GULP1: variants seen among roughly 807,000 people sequenced by gnomAD.
The protein encoded by GULP1 is GULP PTB domain containing engulfment adaptor 1.
In GULP1, 19 loss-of-function variants were observed where a neutral mutation model predicts 40.9. The observed-to-expected ratio is 0.46, with a 90% confidence interval of 0.32 to 0.68. GULP1 has a LOEUF of 0.68. GULP1 is among the 30% of genes least tolerant of loss of function. The probability of loss-of-function intolerance (pLI) is 0.03; values close to 1 mark genes in which losing one functional copy is unlikely to be tolerated. For synonymous variants in GULP1, 119 were observed against 117.6 expected, an observed-to-expected ratio of 1.01 and a Z score of -0.08; for missense variants, 312 against 362.2, an observed-to-expected ratio of 0.86 and a Z score of 1.12.
At chr2:188,295,441 C>G (rs1313698518) in intron 1 of GULP1, among the ~76,000 whole-genome samples, 1 of 152,142 alleles carries the variant, frequency 6.6e-6, no homozygotes, top group Non-Finnish European at 1.5e-5. Context: ...TCCAACATAT[C>G]ATTTATTGCC....
At chr2:188,454,781 T>TAA (rs1400721975) in intron 2 of GULP1, among the ~76,000 whole-genome samples, 1 of 152,230 alleles carries the variant, frequency 6.6e-6, no homozygotes, top group Non-Finnish European at 1.5e-5. Context: ...ATAGGGACAC[T>TAA]AAAGTGTATC....
chr2:188,357,101 C>T (rs1169815553), intron 1 of GULP1, among the ~76,000 whole-genome samples: 12 of 152,024 alleles, frequency 7.9e-5, no homozygotes, highest in African/African-American at 2.4e-5. Context: ...AAGTATAAAA[C>T]TACTAGAAGG....
At chr2:188,388,060 G>C (rs1419329080) in intron 2 of GULP1, among the ~76,000 whole-genome samples, 4 of 146,390 alleles carry the variant, frequency 2.7e-5, no homozygotes, top group Non-Finnish European at 6.0e-5. Context: ...TCCCCAGAGT[G>C]TGATGTTCCC....
intron 2 of GULP1, among the ~76,000 whole-genome samples, chr2:188,389,998 A>G (rs1195549875): frequency 6.9e-6 from 1 of 144,312 alleles, no homozygotes; most frequent in Non-Finnish European, 1.6e-5. Flanking sequence ...CATGGTGTAC[A>G]TATAGCACGT....
rs1702292852 is a variant in GULP1 at position 188,586,019 on chromosome 2, T to G, written c.748+1616T>G. On this transcript the variant is annotated intron_variant, in intron 10 of 11. Transcript: ENST00000409830. ...CTGTATGCTTTTAGAAAAAGCCAGGTCACATCTTGAATGCTTTGCTGCTTA... is the reference window on the plus strand; with the variant it reads ...CTGTATGCTTTTAGAAAAAGCCAGGGCACATCTTGAATGCTTTGCTGCTTA... 3.9e-5 allele frequency among the ~76,000 whole-genome samples: 6 copies of G among 152,304 alleles called. No individual in the cohort carries two copies. The South Asian group carries it at 1.2e-3, about 32-fold the overall frequency.
At chr2:188,497,664 G>A (rs970865444) in intron 4 of GULP1, among the ~76,000 whole-genome samples, 2 of 151,892 alleles carry the variant, frequency 1.3e-5, no homozygotes, top group African/African-American at 4.8e-5. Flanking sequence ...CATATACTAG[G>A]TGCAGACTCC....
At chr2:188,305,348 T>C (rs2036869694) in intron 1 of GULP1, among the ~76,000 whole-genome samples, 1 of 152,164 alleles carries the variant, frequency 6.6e-6, no homozygotes, top group South Asian at 2.1e-4. Flanking sequence ...AAGGCTTCAT[T>C]ATATAGGCAT....
At chr2:188,582,195 CTA>C (rs1342031390) in intron 9 of GULP1, 3 of 356,702 alleles carry the variant, frequency 8.4e-6, no homozygotes, top group African/African-American at 6.4e-5. Context: ...AACTCTAACT[CTA>C]TGTTTTAATT....
chr2:188,351,399 C>G (rs926132253), intron 1 of GULP1, among the ~76,000 whole-genome samples: 1 of 152,046 alleles, frequency 6.6e-6, no homozygotes, highest in African/African-American at 2.4e-5. Flanking sequence ...TGACTTCAAA[C>G]CCTGTGTTTA....
chr2:188,549,037 T>C (rs188221502), intron 7 of GULP1, among the ~76,000 whole-genome samples: 170 of 151,980 alleles, frequency 1.1e-3, no homozygotes, highest in African/African-American at 4.0e-3. Flanking sequence ...CTTCAGGATG[T>C]AGGGCTAGGA....
chr2:188,412,756 T>C (rs767119272), intron 2 of GULP1, among the ~76,000 whole-genome samples: 3 of 152,206 alleles, frequency 2.0e-5, no homozygotes, highest in Non-Finnish European at 4.4e-5. Context: ...CACCAATGAA[T>C]TAAGCTATTT....
At chr2:188,534,131 T>C (rs1372195271) in intron 6 of GULP1, among the ~76,000 whole-genome samples, 1 of 152,190 alleles carries the variant, frequency 6.6e-6, no homozygotes, top group Non-Finnish European at 1.5e-5. Context: ...TGGTTGTATA[T>C]ACTTGGTATA....
intron 1 of GULP1, among the ~76,000 whole-genome samples, chr2:188,343,558 T>G (rs1466923839): frequency 6.6e-6 from 1 of 152,196 alleles, no homozygotes; most frequent in Non-Finnish European, 1.5e-5. Context: ...ACTTAAACTA[T>G]TTTATTTTAA....
intron 1 of GULP1, among the ~76,000 whole-genome samples, chr2:188,349,032 A>C (rs1185980211): frequency 2.6e-5 from 4 of 152,244 alleles, no homozygotes; most frequent in Non-Finnish European, 4.4e-5. Flanking sequence ...TTTCATCTTA[A>C]AACACAGATT....
chr2:188,571,467 G>A (rs915925177), intron 9 of GULP1, among the ~76,000 whole-genome samples: 3 of 152,148 alleles, frequency 2.0e-5, no homozygotes, highest in African/African-American at 7.2e-5. Flanking sequence ...CTTGGCAGAT[G>A]GTTTGTGCCA....
intron 1 of GULP1, among the ~76,000 whole-genome samples, chr2:188,322,917 AG>A (rs1357999482): frequency 6.6e-6 from 1 of 152,026 alleles, no homozygotes; most frequent in Non-Finnish European, 1.5e-5. Flanking sequence ...AAGCCTTCAA[AG>A]TTCTGCCTTT....
chr2:188,432,122 C>T (rs2056936664), intron 2 of GULP1, among the ~76,000 whole-genome samples: 1 of 151,376 alleles, frequency 6.6e-6, no homozygotes, highest in African/African-American at 2.4e-5. Context: ...GTCACTTCAG[C>T]ATTTTATAGA....
intron 4 of GULP1, among the ~76,000 whole-genome samples, chr2:188,512,379 G>T (rs2064672569): frequency 6.6e-6 from 1 of 151,886 alleles, no homozygotes; most frequent in African/African-American, 2.4e-5. Flanking sequence ...ATATTTTACA[G>T]TAATTCTGTA....
At chr2:188,361,319 A>T (rs534057343) in intron 1 of GULP1, among the ~76,000 whole-genome samples, 1 of 152,146 alleles carries the variant, frequency 6.6e-6, no homozygotes, top group South Asian at 2.1e-4. Context: ...CTAGGAAAAG[A>T]AATCCTAAGG....
Sources: allele counts gnomAD v4.1 joint callset (sites outside exome capture counted in the v4.1 genomes callset), GRCh38; gene constraint gnomAD v4.1.1; transcripts MANE v1.5; gene names NCBI Gene and HGNC (gene_info 2026-07-23, HGNC 2026-07-21).